TOP1MT: variants seen among roughly 807,000 people sequenced by gnomAD.
TOP1MT encodes the protein DNA topoisomerase I mitochondrial.
In TOP1MT, 80 loss-of-function variants were observed where a neutral mutation model predicts 73.9. The observed-to-expected ratio is 1.08, with a 90% confidence interval of 0.90 to 1.30. TOP1MT has a LOEUF of 1.30. Ranked by LOEUF, TOP1MT falls within the 50% of genes most tolerant of loss-of-function variation. TOP1MT has a pLI of 0.00. For synonymous variants in TOP1MT, 338 were observed against 326.4 expected, an observed-to-expected ratio of 1.04 and a Z score of -0.38; for missense variants, 815 against 808.0, an observed-to-expected ratio of 1.01 and a Z score of -0.10.
At chr8:143,313,550 CA>C (rs34073373) in intron 12 of TOP1MT, among the ~76,000 whole-genome samples, 112 of 103,372 alleles carry the variant, frequency 1.1e-3, no homozygotes, top group East Asian at 5.4e-3. Flanking sequence ...ACTCCATCAC[CA>C]AAAAAAAAAA....
intron 8 of TOP1MT, among the ~76,000 whole-genome samples, chr8:143,319,961 T>A (rs1014815999): frequency 2.6e-5 from 4 of 151,486 alleles, no homozygotes; most frequent in African/African-American, 9.7e-5. Flanking sequence ...CTGTCTCTAC[T>A]AAGAATACAA....
chr8:143,315,118 A>G (rs984331252), intron 12 of TOP1MT, among the ~76,000 whole-genome samples: 5 of 151,950 alleles, frequency 3.3e-5, no homozygotes, highest in African/African-American at 4.8e-5. Flanking sequence ...CCCTTTCCCC[A>G]GGGGAGTTTA....
Position 143,334,670 on chromosome 8 carries a change from A to C in TOP1MT, c.122+70T>G. On this transcript the variant is annotated intron_variant, in intron 1 of 13. Transcript: ENST00000329245. Reference sequence around the variant, plus strand: ...GCAAGGCCGTCCCACGAGGCCTGCCACTCCCCTTTCTGGACCTACCCAAGC... The same window carrying C: ...GCAAGGCCGTCCCACGAGGCCTGCCCCTCCCCTTTCTGGACCTACCCAAGC... The C allele has an allele frequency of 1.9e-6, 3 of 1,573,206 alleles. No individual in the cohort carries two copies. In the East Asian group the frequency reaches 7.5e-5, roughly 39 times the overall value.
chr8:143,330,955 T>C (rs1162071652), intron 2 of TOP1MT, among the ~76,000 whole-genome samples: 2 of 136,920 alleles, frequency 1.5e-5, no homozygotes, highest in Non-Finnish European at 1.6e-5. Context: ...GGAGGGGGGG[T>C]CCGCTTTGCC....
chr8:143,321,656 C>CCA (rs1407445079), intron 7 of TOP1MT, among the ~76,000 whole-genome samples: 1 of 80,404 alleles, frequency 1.2e-5, no homozygotes, highest in Non-Finnish European at 2.5e-5. Context: ...CACAGGCACG[C>CCA]CACACACACG....
rs1244083842 is a variant in TOP1MT, at chr8:143,331,229, T to C, written c.233A>G (p.Tyr78Cys). 2.5e-6 allele frequency: 4 copies of C among 1,604,906 alleles called. No individual in the cohort carries two copies. The highest frequency in any genetic ancestry group is 1.1e-5 in the South Asian group (1 of 90,594). The part of the protein sequence containing the change: ...EPLPDGVRFF[Y>C]EGRPVRLSVA... ...GCCGCTCCCTGCATCCTTACCTTCA[T>C]AGAAGAAACGCACTCCGTCGGGAAG... Residue 78 changes from tyrosine (Y) to cysteine (C), a missense_variant, in exon 2 of 14, where the codon TAT (tyrosine) becomes TGT (cysteine). By Grantham distance (194) the Tyr-to-Cys change is radical (BLOSUM62 -2). This residue lies in a region of TOP1MT where 751 missense variants were observed against 725.4 expected (regional missense o/e 1.04). Transcript: ENST00000329245.
At chr8:143,331,400 C>A in intron 1 of TOP1MT, 61 bp from the exon 2 acceptor site, 3 of 1,428,766 alleles carry the variant, frequency 2.1e-6, no homozygotes, top group Non-Finnish European at 2.9e-6. Flanking sequence ...GCCTCTTCCC[C>A]GCTCCCACAG....
At chr8:143,345,389 C>T (rs1817203645), upstream of TOP1MT, among the ~76,000 whole-genome samples, 2 of 152,236 alleles carry the variant, frequency 1.3e-5, no homozygotes, top group Non-Finnish European at 2.9e-5. Context: ...GCACAGGAGC[C>T]CAGCAATGCC....
intron 12 of TOP1MT, among the ~76,000 whole-genome samples, chr8:143,311,117 A>ATTTTTTT (rs769172231): frequency 2.1e-4 from 22 of 106,820 alleles, no homozygotes; most frequent in African/African-American, 3.9e-4. Context: ...CACGCACATG[A>ATTTTTTT]TTTTTTTTTT....
Position 143,324,495 on chromosome 8 carries a change from G to A in TOP1MT, c.806C>T (p.Ser269Leu), listed in dbSNP as rs138642876. ...SIKYIMLNPC[S>L]KLKGETAWQK... ...AAGCCCTGCGCTCACCTTCAGCTTC[G>A]AGCAAGGGTTCAGCATGATGTACTT... The change falls in exon 6 of 14, where the codon TCG becomes TTG. Residue 269 changes from serine to leucine, a missense_variant. Ser to Leu is a moderately radical substitution (Grantham distance 145, BLOSUM62 -2). Transcript: ENST00000329245. 136 of 1,613,816 alleles carry A rather than the reference G, an allele frequency of 8.4e-5. No individual in the cohort carries two copies. The highest frequency in any genetic ancestry group is 1.5e-4 in the Admixed American group (9 of 60,010).
chr8:143,333,026 G>C (rs1481453615), intron 1 of TOP1MT, among the ~76,000 whole-genome samples: 1 of 152,192 alleles, frequency 6.6e-6, no homozygotes, highest in East Asian at 1.9e-4. Context: ...GTCTAGGGTG[G>C]GGCTGGTAGG....
chr8:143,357,670 C>T (rs1190520804), upstream of TOP1MT, among the ~76,000 whole-genome samples: 1 of 152,076 alleles, frequency 6.6e-6, no homozygotes, highest in African/African-American at 2.4e-5. Flanking sequence ...GCCTGTAATC[C>T]CAGCACTTTA....
At chr8:143,321,451 ACACACACGCACGC>A (rs1422503977) in intron 7 of TOP1MT, 65 bp from the exon 8 acceptor site, 14,956 of 1,225,520 alleles carry the variant, frequency 0.012, 1,120 homozygotes, top group Admixed American at 0.015. Context: ...CACGCACGCC[ACACACACGCACGC>A]CACACACGCA....
At chr8:143,314,251 C>A (rs535028783) in intron 12 of TOP1MT, among the ~76,000 whole-genome samples, 1 of 152,162 alleles carries the variant, frequency 6.6e-6, no homozygotes, top group Admixed American at 6.6e-5. Flanking sequence ...CCTCCTCCCA[C>A]GGCTCCATGT....
At chr8:143,333,828 A>G (rs1816921934) in intron 1 of TOP1MT, 1 of 152,396 alleles carries the variant, frequency 6.6e-6, no homozygotes, top group African/African-American at 2.4e-5. Flanking sequence ...ATGTGCCTCA[A>G]TGCAGGGCCC....
intron 6 of TOP1MT, 43 bp downstream of exon 6, chr8:143,324,442 G>A (rs769424560): frequency 1.2e-6 from 2 of 1,612,652 alleles, no homozygotes; most frequent in Admixed American, 3.3e-5. Context: ...GTCCTCAGGG[G>A]GACCTCCTGG....
At chr8:143,353,870 A>T (rs1461185008) in intron 1 of TOP1MT, among the ~76,000 whole-genome samples, 1 of 140,534 alleles carries the variant, frequency 7.1e-6, no homozygotes, top group Non-Finnish European at 1.5e-5. Flanking sequence ...AGGCTGAGGC[A>T]GGAGGATCGC....
intron 7 of TOP1MT, among the ~76,000 whole-genome samples, chr8:143,321,640 GCC>G (rs1816379923): frequency 1.7e-5 from 1 of 58,428 alleles, no homozygotes; most frequent in Non-Finnish European, 3.3e-5. Flanking sequence ...ACACAGGCAC[GCC>G]ACACACAGGC....
In TOP1MT at chr8:143,325,378, G is replaced by A. The variant is rs977914581; in HGVS notation, c.639C>T (p.Ile213=). ...AGTTGATAACCACATCCTCTGGCGT[G>A]ATCCTTCTCTTCAGCATCCCCATCT... is the stretch of plus-strand genomic sequence containing the variant. The part of the protein sequence containing the change: ...HPKMGMLKRR[I]TPEDVVINCS... Residue 213 remains isoleucine (I), a synonymous_variant, in exon 5 of 14, where the codon ATC becomes ATT. Coordinates refer to ENST00000329245, the MANE Select transcript of TOP1MT (RefSeq NM_052963.3). 1.9e-6 allele frequency: 3 copies of A among 1,606,188 alleles called. No individual in the cohort carries two copies. The highest frequency in any genetic ancestry group is 2.6e-6 in the Non-Finnish European group (3 of 1,173,830).
Sources: gnomAD v4.1 joint callset for allele counts (sites outside exome capture counted in the v4.1 genomes callset) on GRCh38, gnomAD v4.1.1 for gene constraint, gnomAD v4.1.1 regional missense constraint, MANE v1.5 for transcripts, NCBI Gene and HGNC (gene_info 2026-07-23, HGNC 2026-07-21) for gene names.